Variants in PAX8 observed in about 807,000 individuals in gnomAD.
The protein encoded by PAX8 is paired box 8.
In PAX8, 15 loss-of-function variants were observed where a neutral mutation model predicts 52.4. The observed-to-expected ratio is 0.29, with a 90% CI of 0.19 to 0.44. PAX8 has a LOEUF of 0.44. Among genes scored for constraint, PAX8 ranks in the 20% least tolerant of loss-of-function variants. The probability of loss-of-function intolerance (pLI) is 1.00; values close to 1 mark genes in which losing one functional copy is unlikely to be tolerated. For missense variants in PAX8, 554 were observed against 602.5 expected (o/e 0.92, Z 0.84); for synonymous variants, 284 against 249.7 (o/e 1.14, Z -1.29).
At chr2:113,244,805 G>A (rs1691174244) in intron 3 of PAX8, among the ~76,000 whole-genome samples, 181 bp from the exon 4 acceptor site, 2 of 152,122 alleles carry the variant, frequency 1.3e-5, no homozygotes. Context: ...CCTCACTTGG[G>A]TAGGTTCATG....
intron 2 of PAX8, chr2:113,255,291 GAGGA>G (rs1692165377): frequency 2.0e-5 from 1 of 50,958 alleles, no homozygotes; most frequent in Non-Finnish European, 3.7e-5. Context: ...AGGAGGGAGG[GAGGA>G]GGGAGGGGAG....
Position 113,235,446 on chromosome 2 carries a change from A to T in PAX8, c.1035T>A (p.Phe345Leu). The change falls in exon 9 of 12, where the codon TTT (phenylalanine) becomes TTA (leucine). Residue 345 changes from phenylalanine to leucine, a missense_variant. This residue lies in a region of PAX8 where 445 missense variants were observed against 409.9 expected (regional missense o/e 1.09). Transcript: ENST00000429538. Reference sequence around the variant, plus strand: ...GCCCGTACACGGAGGCAGCATGGGGAAAGGCATTGAAGGGCGGGACCCCGG... The same window carrying T: ...GCCCGTACACGGAGGCAGCATGGGGTAAGGCATTGAAGGGCGGGACCCCGG... The part of the protein sequence containing the change: ...VGSGVPPFNA[F>L]PHAASVYGQF... The T allele has an allele frequency of 6.2e-7, 1 of 1,609,722 alleles. No individual in the cohort carries two copies. The highest frequency in any genetic ancestry group is 8.5e-7 in the Non-Finnish European group (1 of 1,178,026).
chr2:113,266,660 CA>C (rs1693083586), intron 2 of PAX8: 1 of 152,186 alleles, frequency 6.6e-6, no homozygotes, highest in African/African-American at 2.4e-5. Context: ...CCCGGAAGTT[CA>C]TGGTGTTCTG....
chr2:113,235,531 G>C lies in PAX8; in HGVS notation c.950C>G (p.Ser317Cys). ...IKQETPEVSSSSSTPSSLSSS... is the reference protein window; with the variant it reads ...IKQETPEVSSCSSTPSSLSSS... ...AGATAAAGAGGAAGGGGTGGAGCTAGAACTGGACACCTCGGGGGTTTCCTG... is the reference window on the plus strand; with the variant it reads ...AGATAAAGAGGAAGGGGTGGAGCTACAACTGGACACCTCGGGGGTTTCCTG... The change falls in exon 9 of 12, where the codon TCT becomes TGT. Residue 317 changes from serine to cysteine, a missense_variant. Around this residue, in one of 2 missense-constraint regions of PAX8, gnomAD observed 445 missense variants for 409.9 expected, o/e 1.09. Coordinates refer to ENST00000429538, the MANE Select transcript of PAX8 (RefSeq NM_003466.4). The C allele has an allele frequency of 4.3e-6, 7 of 1,613,956 alleles. No homozygotes were observed. The highest frequency in any genetic ancestry group is 1.1e-5 in the South Asian group (1 of 91,072).
intron 2 of PAX8, among the ~76,000 whole-genome samples, chr2:113,257,444 G>A (rs1692342847): frequency 6.6e-6 from 1 of 152,162 alleles, no homozygotes; most frequent in African/African-American, 2.4e-5. Flanking sequence ...ACACTCTGAG[G>A]CTCAGGCAGA....
At chr2:113,228,623 G>A (rs1160098762) in intron 9 of PAX8, among the ~76,000 whole-genome samples, 1 of 152,264 alleles carries the variant, frequency 6.6e-6, no homozygotes, top group Non-Finnish European at 1.5e-5. Context: ...CAAAATCGCT[G>A]CTGGCTAAGA....
intron 2 of PAX8, among the ~76,000 whole-genome samples, chr2:113,258,449 G>C (rs1430141155): frequency 6.6e-6 from 1 of 151,970 alleles, no homozygotes; most frequent in Non-Finnish European, 1.5e-5. Context: ...TCCTGTCAAA[G>C]ATGGCAGACT....
Position 113,246,499 on chromosome 2 carries a change from G to A in PAX8, c.191+255C>T, listed in dbSNP as rs558461337. 1.9e-3 allele frequency among the ~76,000 whole-genome samples: 297 copies of A among 152,328 alleles called. 1 individual carries two copies. Among genetic ancestry groups the A allele is most frequent in the African/African-American group, 6.8e-3 (282 of 41,566 alleles). ...ATAGCTAATGAGACATGGAGCAAAAGAGAAGAAGGGAGAGGGAGAAACTAA... is the reference window on the plus strand; with the variant it reads ...ATAGCTAATGAGACATGGAGCAAAAAAGAAGAAGGGAGAGGGAGAAACTAA... On this transcript the variant is annotated intron_variant, in intron 3 of 11. Coordinates refer to ENST00000429538, the MANE Select transcript of PAX8 (RefSeq NM_003466.4).
chr2:113,274,303 C>T (rs1372466935), intron 2 of PAX8: 1 of 152,056 alleles, frequency 6.6e-6, no homozygotes, highest in Non-Finnish European at 1.5e-5. Context: ...CTAAAATTCT[C>T]CTCTTTTTTT....
In PAX8 at chr2:113,235,808, C is replaced by G. The variant is rs7576384; in HGVS notation, c.899-226G>C. Reference sequence around the variant, plus strand: ...CTTCTGCAGCGAAAATGGAGAGACCCGGAAGGCGTGTGTGCGCCCGCCTCT... The same window carrying G: ...CTTCTGCAGCGAAAATGGAGAGACCGGGAAGGCGTGTGTGCGCCCGCCTCT... On this transcript the variant is annotated intron_variant, in intron 8 of 11. Transcript: ENST00000429538. The G allele has an allele frequency of 0.36, 195,780 of 537,050 alleles. 36,248 individuals carry two copies. Among genetic ancestry groups the G allele is most frequent in the South Asian group, 0.43 (17,327 of 40,680 alleles). The allele number at this position is 537,050 out of a possible 1,614,324, so 33.3% of individuals were successfully genotyped here.
intron 9 of PAX8, 136 bp from the exon 10 acceptor site, chr2:113,227,392 C>T: frequency 1.4e-6 from 1 of 718,942 alleles, no homozygotes; most frequent in Non-Finnish European, 2.4e-6. Flanking sequence ...CTTCCTCCTG[C>T]CCCCACTCCT....
chr2:113,278,300 C>G (rs1291527477), intron 2 of PAX8, 70 bp downstream of exon 2: 2 of 1,259,584 alleles, frequency 1.6e-6, no homozygotes, highest in Non-Finnish European at 2.3e-6. Context: ...CGAGATCCAA[C>G]CACCCGAGCG....
chr2:113,257,222 GC>G (rs1692328182), intron 2 of PAX8, among the ~76,000 whole-genome samples: 1 of 152,156 alleles, frequency 6.6e-6, no homozygotes, highest in South Asian at 2.1e-4. Context: ...GTTCTGGGAT[GC>G]CTGGAGGGGT....
At chr2:113,218,885 G>T (rs2104410789) in intron 11 of PAX8, among the ~76,000 whole-genome samples, 1 of 152,302 alleles carries the variant, frequency 6.6e-6, no homozygotes, top group South Asian at 2.1e-4. Flanking sequence ...TAGGGAGAGG[G>T]CAATAGAAAA....
intron 10 of PAX8, chr2:113,226,577 T>C (rs1689584988): frequency 9.6e-7 from 1 of 1,041,248 alleles, no homozygotes; most frequent in African/African-American, 1.7e-5. Flanking sequence ...TCATCCTCTA[T>C]AGTACTCTTA....
intron 2 of PAX8, chr2:113,274,128 A>G (rs766785199): frequency 2.0e-5 from 3 of 152,212 alleles, no homozygotes; most frequent in African/African-American, 4.8e-5. Flanking sequence ...TGCATACAAA[A>G]TGGAGATGAA....
At chr2:113,224,615 C>CG (rs1225749678) in intron 10 of PAX8, among the ~76,000 whole-genome samples, 1 of 146,886 alleles carries the variant, frequency 6.8e-6, no homozygotes, top group African/African-American at 2.5e-5. Flanking sequence ...TGGAGGATGA[C>CG]GGGATGGATG....
At chr2:113,237,825 C>G (rs997118733) in intron 7 of PAX8, 17 of 152,306 alleles carry the variant, frequency 1.1e-4, no homozygotes, top group African/African-American at 2.9e-4. Flanking sequence ...TCAGGGAATG[C>G]TCAGTAGTTA....
At chr2:113,275,918 C>A (rs1283058680) in intron 2 of PAX8, 1 of 152,228 alleles carries the variant, frequency 6.6e-6, no homozygotes, top group Non-Finnish European at 1.5e-5. Context: ...AACGACGAGG[C>A]GACCCCGTGG....
Sources: gnomAD v4.1 joint callset for allele counts (sites outside exome capture counted in the v4.1 genomes callset) on GRCh38, gnomAD v4.1.1 for gene constraint, gnomAD v4.1.1 regional missense constraint, MANE v1.5 for transcripts, NCBI Gene and HGNC (gene_info 2026-07-23, HGNC 2026-07-21) for gene names.